The following SYCE3 variants were observed in gnomAD, a reference collection of about 807,000 sequenced individuals.
SYCE3 encodes testis highly expressed gene 2 protein.
Under a neutral mutation model 8.1 loss-of-function variants are expected in SYCE3, and 3 were observed. The ratio of observed to expected loss-of-function variants is 0.37; its 90% CI spans 0.17 to 0.96. The LOEUF (loss-of-function observed/expected upper bound fraction) is 0.96. Among genes scored for constraint, SYCE3 ranks in the 40% least tolerant of loss-of-function variants. The pLI, the probability that SYCE3 is intolerant of heterozygous loss-of-function variation, is 0.41. For missense variants in SYCE3, 83 were observed against 110.0 expected (o/e 0.75, Z 1.10); for synonymous variants, 36 against 38.7 (o/e 0.93, Z 0.26).
chr22:50,552,373 C>T (rs1358424937), intron 2 of SYCE3, among the ~76,000 whole-genome samples: 1 of 152,196 alleles, frequency 6.6e-6, no homozygotes, highest in Non-Finnish European at 1.5e-5. Flanking sequence ...TCAATCTCGG[C>T]CGGGTGCGGT....
Position 50,551,340 on chromosome 22 carries a change from A to C in SYCE3, c.172T>G (p.Ser58Ala), listed in dbSNP as rs770118142. The change falls in exon 3 of 3, where the codon TCC (serine) becomes GCC (alanine). Residue 58 changes from serine to alanine, a missense_variant. Coordinates refer to ENST00000406915, the MANE Select transcript of SYCE3 (RefSeq NM_001123225.3). ...VMRTNPTLAE[S>A]MRRLEDAFVN... is the part of the protein sequence containing the mutation. ...AAGGCATCCTCCAGCCGACGCATGGACTCGGCCAGCGTAGGGTTGGTGCGC... is the reference window on the plus strand; with the variant it reads ...AAGGCATCCTCCAGCCGACGCATGGCCTCGGCCAGCGTAGGGTTGGTGCGC... The C allele has an allele frequency of 6.4e-7, 1 of 1,551,126 alleles. No individual in the cohort carries two copies. Among genetic ancestry groups the C allele is most frequent in the South Asian group, 1.2e-5 (1 of 84,062 alleles).
At chr22:50,552,423 G>T (rs908430109) in intron 2 of SYCE3, among the ~76,000 whole-genome samples, 8 of 151,822 alleles carry the variant, frequency 5.3e-5, no homozygotes, top group South Asian at 2.1e-4. Flanking sequence ...GAGGCCAAGG[G>T]GGGTAGATCA....
intron 2 of SYCE3, 24 bp downstream of exon 2, chr22:50,556,273 T>C (rs930130392): frequency 6.7e-7 from 1 of 1,494,520 alleles, no homozygotes; most frequent in Non-Finnish European, 9.1e-7. Context: ...CTGTCTCAGA[T>C]ACTTTTGGGT....
At chr22:50,558,268 AT>A (rs2069879884) in intron 1 of SYCE3, among the ~76,000 whole-genome samples, 1 of 152,094 alleles carries the variant, frequency 6.6e-6, no homozygotes, top group South Asian at 2.1e-4. Flanking sequence ...TACTAAAAAT[AT>A]AAAAATTAGC....
At chr22:50,551,679 C>T (rs1005134375) in intron 2 of SYCE3, among the ~76,000 whole-genome samples, 1 of 152,182 alleles carries the variant, frequency 6.6e-6, no homozygotes, top group Non-Finnish European at 1.5e-5. Context: ...TGGTCTGATA[C>T]GAAATGTGAG....
chr22:50,555,126 T>TAAATAAATAAATAAAAATTTAG (rs149461285), intron 2 of SYCE3, among the ~76,000 whole-genome samples: 2 of 149,700 alleles, frequency 1.3e-5, no homozygotes, highest in Non-Finnish European at 1.5e-5. Context: ...TGTCTTAAAA[T>TAAATAAATAAATAAAAATTTAG]AAATAAATAA....
intron 1 of SYCE3, among the ~76,000 whole-genome samples, chr22:50,557,463 G>A (rs1171911673): frequency 6.6e-6 from 1 of 151,990 alleles, no homozygotes; most frequent in East Asian, 1.9e-4. Flanking sequence ...GCCAAGTTTT[G>A]TATTTTTTAA....
Position 50,561,535 on chromosome 22 carries a change from G to GGGAGGGGCGTGGGGCC in SYCE3, c.-1+1322_-1+1323insGGCCCCACGCCCCTCC, listed in dbSNP as rs1555890940. ...GTGTGGGGCGGGAGGAGCGTGGGGC[G>GGGAGGGGCGTGGGGCC]GGAGGAGTGTGGGGCGGGAGCGTGG... On this transcript the variant is annotated intron_variant, in intron 1 of 2. Transcript: ENST00000406915. Among the ~76,000 whole-genome samples the GGGAGGGGCGTGGGGCC allele has an allele frequency of 1.5e-3, 211 of 144,382 alleles. 1 individual carries two copies. Among genetic ancestry groups the GGGAGGGGCGTGGGGCC allele is most frequent in the African/African-American group, 4.8e-3 (179 of 36,974 alleles). The allele number at this position is 144,382 out of a possible 152,430, so 94.7% of individuals were successfully genotyped here. A position where few individuals can be genotyped will look rare whatever the true frequency, so the allele number is the denominator to read the frequency against.
chr22:50,551,114 T>C lies in SYCE3; in HGVS notation c.*131A>G. 3 of 1,214,344 alleles carry C rather than the reference T, an allele frequency of 2.5e-6. No individual in the cohort carries two copies. Among genetic ancestry groups the C allele is most frequent in the Non-Finnish European group, 3.4e-6 (3 of 877,866 alleles). 75.2% of individuals were successfully genotyped at this position (1,214,344 alleles called of 1,614,324 possible). A position where few individuals can be genotyped will look rare whatever the true frequency, so the allele number is the denominator to read the frequency against. On this transcript the variant is annotated 3_prime_UTR_variant, in exon 3 of 3. Transcript: ENST00000406915. ...CAGGAGAGAAGAGGTCCTCGGGCTG[T>C]GCTTAAAAATAAGTTTATTAAGAAA...
intron 2 of SYCE3, among the ~76,000 whole-genome samples, chr22:50,555,004 C>T (rs2069845635): frequency 1.3e-5 from 2 of 151,530 alleles, no homozygotes; most frequent in Non-Finnish European, 2.9e-5. Context: ...CGCCTGTAGT[C>T]CCAGCTACTC....
At chr22:50,558,910 G>T (rs2069886703) in intron 1 of SYCE3, among the ~76,000 whole-genome samples, 1 of 152,246 alleles carries the variant, frequency 6.6e-6, no homozygotes, top group African/African-American at 2.4e-5. Flanking sequence ...CACACCCAGG[G>T]CACTTTCTGT....
intron 1 of SYCE3, 55 bp from the exon 2 acceptor site, chr22:50,556,460 G>T (rs562165031): frequency 1.6e-6 from 2 of 1,246,330 alleles, no homozygotes; most frequent in Non-Finnish European, 2.3e-6. Context: ...TTCAAATCCA[G>T]CTCCACTGGT....
In SYCE3 at chr22:50,556,417, A is replaced by G; in HGVS notation, c.1-12T>C. The G allele has an allele frequency of 1.3e-6, 2 of 1,539,116 alleles. No homozygotes were observed. Among genetic ancestry groups the G allele is most frequent in the Non-Finnish European group, 8.8e-7 (1 of 1,136,632 alleles). On this transcript the variant is annotated splice_polypyrimidine_tract_variant and intron_variant, in intron 1 of 2. Coordinates refer to ENST00000406915, the MANE Select transcript of SYCE3 (RefSeq NM_001123225.3). Reference sequence around the variant, plus strand: ...TCAGCATCATCCATCTAGGCAATGCACAGAAAGAAGCTGCAGTCAGACAGA... The same window carrying G: ...TCAGCATCATCCATCTAGGCAATGCGCAGAAAGAAGCTGCAGTCAGACAGA...
At chr22:50,556,238 A>G (rs2069859269) in intron 2 of SYCE3, 59 bp downstream of exon 2, 4 of 1,312,844 alleles carry the variant, frequency 3.0e-6, no homozygotes, top group African/African-American at 1.5e-5. Flanking sequence ...CCTTGGCAAA[A>G]TAAACTTTCT....
intron 2 of SYCE3, among the ~76,000 whole-genome samples, chr22:50,555,138 T>TAAAAATTTAAAAATAAATAAAA: frequency 6.6e-6 from 1 of 151,864 alleles, no homozygotes; most frequent in African/African-American, 2.4e-5. Context: ...AATAAATAAA[T>TAAAAATTTAAAAATAAATAAAA]AAATAAAACC....
intron 1 of SYCE3, among the ~76,000 whole-genome samples, chr22:50,559,999 T>C (rs1257502586): frequency 6.6e-6 from 1 of 152,138 alleles, no homozygotes; most frequent in East Asian, 1.9e-4. Context: ...ACTGGCAATC[T>C]TGACAGGAGC....
intron 1 of SYCE3, among the ~76,000 whole-genome samples, chr22:50,557,826 C>T (rs1280938108): frequency 2.0e-5 from 3 of 152,160 alleles, no homozygotes; most frequent in Non-Finnish European, 4.4e-5. Flanking sequence ...GCCACAGATG[C>T]TGCGGTATTG....
chr22:50,553,539 G>T (rs2069830473), intron 2 of SYCE3, among the ~76,000 whole-genome samples: 1 of 152,102 alleles, frequency 6.6e-6, no homozygotes, highest in Non-Finnish European at 1.5e-5. Flanking sequence ...CTGTTACACT[G>T]CAAATGCCCT....
At chr22:50,553,560 C>T (rs995191291) in intron 2 of SYCE3, among the ~76,000 whole-genome samples, 8 of 152,074 alleles carry the variant, frequency 5.3e-5, no homozygotes, top group Non-Finnish European at 7.4e-5. Flanking sequence ...GCTGCTAAAA[C>T]GATACAAACA....
Sources: allele counts gnomAD v4.1 joint callset (sites outside exome capture counted in the v4.1 genomes callset), GRCh38; gene constraint gnomAD v4.1.1; transcripts MANE v1.5; gene names NCBI Gene and HGNC (gene_info 2026-07-23, HGNC 2026-07-21).